Variants in MTPAP observed in about 807,000 individuals in gnomAD.
MTPAP encodes mitochondrial poly(A) polymerase.
Under a neutral mutation model 48.7 loss-of-function variants are expected in MTPAP, and 23 were observed. The observed-to-expected ratio is 0.47, with a 90% CI of 0.34 to 0.67. MTPAP has a LOEUF of 0.67. Among genes scored for constraint, MTPAP ranks in the 30% least tolerant of loss-of-function variants. MTPAP has a pLI of 0.01. For missense variants in MTPAP, 614 were observed against 694.3 expected (o/e 0.88, Z 1.30); for synonymous variants, 257 against 254.1 (o/e 1.01, Z -0.11).
intron 4 of MTPAP, among the ~76,000 whole-genome samples, chr10:30,333,429 T>A (rs2132860317): frequency 6.6e-6 from 1 of 152,310 alleles, no homozygotes; most frequent in African/African-American, 2.4e-5. Flanking sequence ...TAGGATCACA[T>A]TACTAGTAAG....
In MTPAP at chr10:30,326,518, C is replaced by A; in HGVS notation, c.898G>T (p.Val300Leu). Residue 300 changes from valine to leucine, a missense_variant, in exon 5 of 9, where the codon GTG becomes TTG. Coordinates refer to ENST00000263063, the MANE Select transcript of MTPAP (RefSeq NM_018109.4). ...GCATTTAATATTTTTTGCACACCCA[C>A]ACAGCCAGGGCCAAAGTGGTCAAGG... ...ECLDHFGPGC[V>L]GVQKILNARC... The A allele has an allele frequency of 6.2e-7, 1 of 1,614,174 alleles. No individual in the cohort carries two copies. Among genetic ancestry groups the A allele is most frequent in the South Asian group, 1.1e-5 (1 of 91,084 alleles).
intron 1 of MTPAP, among the ~76,000 whole-genome samples, chr10:30,343,713 G>A (rs1019682621): frequency 1.3e-5 from 2 of 151,952 alleles, no homozygotes; most frequent in African/African-American, 2.4e-5. Flanking sequence ...TATTACAGGC[G>A]TGCGCCACCA....
intron 5 of MTPAP, 77 bp from the exon 6 acceptor site, chr10:30,322,694 A>T (rs1029004272): frequency 3.2e-6 from 3 of 952,138 alleles, no homozygotes; most frequent in Non-Finnish European, 4.9e-6. Flanking sequence ...TCAAACCAAG[A>T]AACACATCTA....
chr10:30,326,312 AATT>A, intron 5 of MTPAP, 109 bp downstream of exon 5: 1 of 1,008,186 alleles, frequency 9.9e-7, no homozygotes. Context: ...ATTTTTAAAA[AATT>A]ATTATTCAAG....
Position 30,311,252 on chromosome 10 carries a change from CTGA to C in MTPAP, c.*2354_*2356del, listed in dbSNP as rs1336192387. The C allele has an allele frequency of 6.6e-6, 1 of 152,176 alleles. No individual in the cohort carries two copies. The highest frequency in any genetic ancestry group is 2.4e-5 in the African/African-American group (1 of 41,442). 9.4% of individuals were successfully genotyped at this position (152,176 alleles called of 1,614,324 possible). On this transcript the variant is annotated 3_prime_UTR_variant, in exon 9 of 9. Transcript: ENST00000263063. ...TTAAAGACATCGCCTGTACAGAACA[CTGA>C]TATTTGTTGGTGTCAAATGTGCAAT...
chr10:30,340,012 G>A (rs1162601364), intron 3 of MTPAP: 5 of 577,340 alleles, frequency 8.7e-6, no homozygotes, highest in Admixed American at 6.0e-5. Context: ...TGTTGAGCAT[G>A]ACGACATTCT....
At chr10:30,342,229 C>CT (rs1412387778) in intron 1 of MTPAP, among the ~76,000 whole-genome samples, 2 of 151,832 alleles carry the variant, frequency 1.3e-5, no homozygotes, top group Non-Finnish European at 2.9e-5. Flanking sequence ...GAGCGAGACT[C>CT]TGTCTCAAAA....
In MTPAP at chr10:30,325,545, G is replaced by A. The variant is rs572150444; in HGVS notation, c.992+879C>T. The stretch of plus-strand genomic sequence containing the variant: ...GCAGATCACTTCAGGTCAGGAGTTC[G>A]AGACCAGCCTGGCCAACAGGGTGAA... On this transcript the variant is annotated intron_variant, in intron 5 of 8. Transcript: ENST00000263063. Among the ~76,000 whole-genome samples, 3 of 152,112 alleles carry A rather than the reference G, an allele frequency of 2.0e-5. No homozygotes were observed. In the South Asian group the frequency reaches 6.2e-4, roughly 32 times the overall value.
chr10:30,326,868 C>T (rs1019348080), intron 4 of MTPAP, among the ~76,000 whole-genome samples: 39 of 152,148 alleles, frequency 2.6e-4, no homozygotes, highest in Non-Finnish European at 1.8e-4. Flanking sequence ...CTAACTTGAA[C>T]GATCACTGGT....
chr10:30,331,114 G>C (rs1834661012), intron 4 of MTPAP, among the ~76,000 whole-genome samples: 1 of 152,128 alleles, frequency 6.6e-6, no homozygotes, highest in African/African-American at 2.4e-5. Context: ...GGAAAATTTA[G>C]ATGAAAATTA....
At chr10:30,333,798 C>T (rs953727314) in intron 4 of MTPAP, among the ~76,000 whole-genome samples, 7 of 151,914 alleles carry the variant, frequency 4.6e-5, no homozygotes, top group Non-Finnish European at 5.9e-5. Context: ...CTCAATCACA[C>T]GGGTGAGGCA....
Position 30,326,484 on chromosome 10 carries a change from G to T in MTPAP, c.932C>A (p.Pro311Gln). The T allele has an allele frequency of 6.2e-7, 1 of 1,614,036 alleles. No homozygotes were observed. The highest frequency in any genetic ancestry group is 8.5e-7 in the Non-Finnish European group (1 of 1,180,008). ...GVQKILNARC[P>Q]LVRFSHQASG... ...GGCCTGGTGTGAGAACCTCACGAGC[G>T]GACACCGGGCATTTAATATTTTTTG... Residue 311 changes from proline to glutamine, a missense_variant, in exon 5 of 9, where the codon CCG becomes CAG. This residue lies in a region of MTPAP where 261 missense variants were observed against 355.4 expected (regional missense o/e 0.73). Coordinates refer to ENST00000263063, the MANE Select transcript of MTPAP (RefSeq NM_018109.4).
chr10:30,327,499 A>AAATAAATAAAT (rs1834611651), intron 4 of MTPAP, among the ~76,000 whole-genome samples: 3 of 138,898 alleles, frequency 2.2e-5, no homozygotes, highest in African/African-American at 8.1e-5. Flanking sequence ...ACTCCATTTC[A>AAATAAATAAAT]AAATAAATAA....
At chr10:30,327,596 A>C (rs1321502647) in intron 4 of MTPAP, among the ~76,000 whole-genome samples, 1 of 151,978 alleles carries the variant, frequency 6.6e-6, no homozygotes, top group Non-Finnish European at 1.5e-5. Flanking sequence ...CTGCAATCTC[A>C]GCACTTTGGG....
chr10:30,348,850 T>C, intron 1 of MTPAP: 1 of 517,466 alleles, frequency 1.9e-6, no homozygotes, highest in Non-Finnish European at 3.5e-6. Flanking sequence ...CAAACTGGGT[T>C]CCTGACCTGA....
At chr10:30,326,683 A>G (rs1297595047) in intron 4 of MTPAP, 48 bp from the exon 5 acceptor site, 1 of 1,414,588 alleles carries the variant, frequency 7.1e-7, no homozygotes, top group Admixed American at 1.7e-5. Flanking sequence ...TAAAAAAAAC[A>G]ATTTTTTAAT....
Position 30,313,827 on chromosome 10 carries a change from G to A in MTPAP, c.1531C>T (p.Gln511Ter). 1 of 1,614,172 alleles carries A rather than the reference G, an allele frequency of 6.2e-7. No individual in the cohort carries two copies. The highest frequency in any genetic ancestry group is 8.5e-7 in the Non-Finnish European group (1 of 1,180,016). The change falls in exon 9 of 9, where the codon CAG (glutamine) becomes TAG (stop). Residue 511 changes from glutamine (Q) to a stop codon, truncating the protein, a stop_gained. Transcript: ENST00000263063. LOFTEE classifies it low-confidence loss of function (END_TRUNC). ...LARESAWILQ[Q>*]EDTDRPSISS... ...ATGGAAGGTCGATCTGTATCTTCCT[G>A]TTGTAAAATCCAGGCACTTTCTCGG...
chr10:30,317,074 T>C (rs944648196), intron 6 of MTPAP, among the ~76,000 whole-genome samples: 6 of 152,218 alleles, frequency 3.9e-5, no homozygotes, highest in Admixed American at 3.3e-4. Context: ...CAAATCTTTT[T>C]ATCTTCTTTT....
chr10:30,323,350 G>A (rs1840748081), intron 5 of MTPAP, among the ~76,000 whole-genome samples: 2 of 149,668 alleles, frequency 1.3e-5, no homozygotes, highest in African/African-American at 4.9e-5. Flanking sequence ...TACTTGGGGG[G>A]CTGAGGCAGG....
Sources: allele counts gnomAD v4.1 joint callset (sites outside exome capture counted in the v4.1 genomes callset), GRCh38; gene constraint gnomAD v4.1.1; regional missense constraint gnomAD v4.1.1; transcripts MANE v1.5; gene names NCBI Gene and HGNC (gene_info 2026-07-23, HGNC 2026-07-21).